The following SOCS7 variants were observed in gnomAD, a reference collection of about 807,000 sequenced individuals.
The protein encoded by SOCS7 is suppressor of cytokine signaling 7, also known as NAP-4.
A neutral mutation model predicts 58.9 loss-of-function variants in SOCS7; 18 were observed. The observed-to-expected ratio is 0.31, with a 90% CI of 0.21 to 0.45. The LOEUF (loss-of-function observed/expected upper bound fraction) is 0.45, where lower values mean the gene tolerates loss of function less well. SOCS7 is among the 20% of genes least tolerant of loss of function. The pLI, the probability that SOCS7 is intolerant of heterozygous loss-of-function variation, is 1.00. For missense variants in SOCS7, 667 were observed against 837.3 expected, an observed-to-expected ratio of 0.80 and a Z score of 2.51; for synonymous variants, 388 against 364.3, an observed-to-expected ratio of 1.06 and a Z score of -0.74.
At position 38,403,812 on chromosome 17, in the gene SOCS7, T is replaced by C. The variant is rs945264001; in HGVS notation, c.*4330T>C. Reference sequence around the variant, plus strand: ...GTTTGGTTTGTGGGAAAGGAGGGAATGGATAAGTGATTTTTATCTCTAATC... The same window carrying C: ...GTTTGGTTTGTGGGAAAGGAGGGAACGGATAAGTGATTTTTATCTCTAATC... On this transcript the variant is annotated 3_prime_UTR_variant, in exon 10 of 10. Transcript: ENST00000612932. 1 of 152,158 alleles carries C rather than the reference T, an allele frequency of 6.6e-6. No homozygotes were observed. Among genetic ancestry groups the C allele is most frequent in the Non-Finnish European group, 1.5e-5 (1 of 68,020 alleles). 9.4% of individuals were successfully genotyped at this position (152,158 alleles called of 1,614,324 possible). A position where few individuals can be genotyped will look rare whatever the true frequency, so the allele number is the denominator to read the frequency against.
intron 6 of SOCS7, among the ~76,000 whole-genome samples, chr17:38,373,114 AAAAAG>A (rs370434743): frequency 0.014 from 2,097 of 152,098 alleles, 48 homozygotes; most frequent in African/African-American, 0.047. Context: ...CTCAAAAAAA[AAAAAG>A]AAAAGAAAAG....
At chr17:38,387,102 AATATATATAT>A (rs71368482) in intron 7 of SOCS7, among the ~76,000 whole-genome samples, 2 of 51,138 alleles carry the variant, frequency 3.9e-5, no homozygotes, top group African/African-American at 1.3e-4. Context: ...AAAAAAAAAA[AATATATATAT>A]ATATATATAT....
chr17:38,390,907 G>A (rs1292973222), intron 7 of SOCS7, among the ~76,000 whole-genome samples: 1 of 151,892 alleles, frequency 6.6e-6, no homozygotes, highest in Non-Finnish European at 1.5e-5. Flanking sequence ...CATTGCCCAG[G>A]CTGGTTTCTA....
rs1376793315 is a variant in SOCS7 at position 38,403,992 on chromosome 17, AGAAAG to A, written c.*4511_*4515del. The A allele has an allele frequency of 6.6e-6, 1 of 151,604 alleles. No individual in the cohort carries two copies. Among genetic ancestry groups the A allele is most frequent in the East Asian group, 1.9e-4 (1 of 5,192 alleles). 9.4% of individuals were successfully genotyped at this position (151,604 alleles called of 1,614,324 possible). On this transcript the variant is annotated 3_prime_UTR_variant, in exon 10 of 10. Transcript: ENST00000612932. ...TTAAAAAAAGAAAAAGAAAAAAAAAAGAAAGAAAAGTGTGCCCCCCTCCTATGCTG... is the reference window on the plus strand; with the variant it reads ...TTAAAAAAAGAAAAAGAAAAAAAAAAAAAAGTGTGCCCCCCTCCTATGCTG...
intron 7 of SOCS7, among the ~76,000 whole-genome samples, chr17:38,388,603 A>G (rs1249535877): frequency 2.0e-5 from 3 of 152,168 alleles, no homozygotes; most frequent in Non-Finnish European, 4.4e-5. Context: ...CAATTTTAGA[A>G]TGTTTTCATC....
chr17:38,377,320 T>C (rs1218395184), intron 6 of SOCS7, among the ~76,000 whole-genome samples: 1 of 152,212 alleles, frequency 6.6e-6, no homozygotes, highest in Non-Finnish European at 1.5e-5. Flanking sequence ...CACACTGACA[T>C]GATGCTCAAA....
chr17:38,389,923 AGAGAGT>A (rs2038148036), intron 7 of SOCS7, among the ~76,000 whole-genome samples: 1 of 128,096 alleles, frequency 7.8e-6, no homozygotes, highest in African/African-American at 2.8e-5. Context: ...AGAGAGAGAG[AGAGAGT>A]GAGAGAGAGA....
At chr17:38,371,088 G>C (rs1157801923) in intron 6 of SOCS7, among the ~76,000 whole-genome samples, 2 of 152,050 alleles carry the variant, frequency 1.3e-5, no homozygotes, top group African/African-American at 4.8e-5. Flanking sequence ...TGACTGATTA[G>C]TATCCCTTTT....
At position 38,380,191 on chromosome 17, in the gene SOCS7, G is replaced by A. The variant is rs1289382843; in HGVS notation, c.1681+2349G>A. ...GCAGATATTTTAACCAAGATTCTTA[G>A]CATTGTATTAAGGGCTAGAGTGTGT... On this transcript the variant is annotated intron_variant, in intron 7 of 9. Coordinates refer to ENST00000612932, the MANE Select transcript of SOCS7 (RefSeq NM_014598.4). Among the ~76,000 whole-genome samples, 6 of 152,280 alleles carry A rather than the reference G, an allele frequency of 3.9e-5. No homozygotes were observed. In the South Asian group the frequency reaches 1.0e-3, roughly 26 times the overall value.
chr17:38,388,234 C>T (rs986171385), intron 7 of SOCS7, among the ~76,000 whole-genome samples: 2 of 151,898 alleles, frequency 1.3e-5, no homozygotes, highest in Non-Finnish European at 2.9e-5. Context: ...ATATAATTCA[C>T]ATAACATGAA....
At chr17:38,372,600 A>G (rs1376727495) in intron 6 of SOCS7, among the ~76,000 whole-genome samples, 2 of 152,196 alleles carry the variant, frequency 1.3e-5, no homozygotes, top group Non-Finnish European at 2.9e-5. Flanking sequence ...TGGTTCTTGT[A>G]TAGTTTTCAT....
At chr17:38,387,094 A>AT (rs2038077928) in intron 7 of SOCS7, among the ~76,000 whole-genome samples, 28 of 92,416 alleles carry the variant, frequency 3.0e-4, no homozygotes, top group African/African-American at 1.1e-3. Context: ...AAAAAAAAAA[A>AT]AAAAAAAAAT....
intron 5 of SOCS7, among the ~76,000 whole-genome samples, chr17:38,367,625 C>G (rs1316624104): frequency 6.6e-6 from 1 of 152,186 alleles, no homozygotes; most frequent in Non-Finnish European, 1.5e-5. Flanking sequence ...CCACCCGCCT[C>G]AGCCTCCCAA....
chr17:38,375,337 C>T (rs1441525281), intron 6 of SOCS7, among the ~76,000 whole-genome samples: 2 of 152,158 alleles, frequency 1.3e-5, no homozygotes, highest in Non-Finnish European at 2.9e-5. Flanking sequence ...CCCTCTTCCT[C>T]TTCCTCTTCC....
intron 1 of SOCS7, among the ~76,000 whole-genome samples, 187 bp downstream of exon 1, chr17:38,353,219 AAG>A (rs1158102002): frequency 6.6e-6 from 1 of 152,174 alleles, no homozygotes; most frequent in Admixed American, 6.5e-5. Context: ...TTCACTCTTA[AAG>A]AGTGCACACT....
chr17:38,352,767 C>G lies in SOCS7; in HGVS notation c.715C>G (p.Leu239Val), dbSNP rs56279143. The G allele has an allele frequency of 6.5e-7, 1 of 1,550,110 alleles. No homozygotes were observed. Among genetic ancestry groups the G allele is most frequent in the South Asian group, 1.2e-5 (1 of 84,058 alleles). Residue 239 changes from leucine (L) to valine (V), a missense_variant, in exon 1 of 10, where the codon CTG becomes GTG. Leu to Val is a conservative substitution (Grantham distance 32). This residue lies in a region of SOCS7 where 208 missense variants were observed against 190.3 expected (regional missense o/e 1.09). Coordinates refer to ENST00000612932, the MANE Select transcript of SOCS7 (RefSeq NM_014598.4). The surrounding 1 kb of genome is among the most constrained non-coding windows in gnomAD (Gnocchi z 5.5). The stretch of plus-strand genomic sequence containing the variant: ...GCAGGACTTGGTCCCTCTGGGGCGC[C>G]TGAGTAGAGGGGAGCAGCAGCAGCA... ...PLQDLVPLGR[L>V]SRGEQQQQQQ...
At chr17:38,378,547 T>G (rs2037960579) in intron 7 of SOCS7, among the ~76,000 whole-genome samples, 1 of 152,164 alleles carries the variant, frequency 6.6e-6, no homozygotes, top group Non-Finnish European at 1.5e-5. Flanking sequence ...CCAAATCCAG[T>G]TGCACATTGC....
In SOCS7 at chr17:38,384,572, G is replaced by T. The variant is rs188866448; in HGVS notation, c.1681+6730G>T. ...GCCTCCCAAAGTGTTGAGATTACAG[G>T]TGTGAACCACCATGCCCAGCTTCTT... On this transcript the variant is annotated intron_variant, in intron 7 of 9. Transcript: ENST00000612932. Among the ~76,000 whole-genome samples, 425 of 152,036 alleles carry T rather than the reference G, an allele frequency of 2.8e-3. 12 individuals are homozygous for T. Among genetic ancestry groups the T allele is most frequent in the Non-Finnish European group, 5.4e-4 (37 of 67,992 alleles).
chr17:38,401,669 TC>T lies in SOCS7; in HGVS notation c.*2188del, dbSNP rs1377391288. 1.3e-5 allele frequency: 2 copies of T among 152,110 alleles called. No homozygotes were observed. Among genetic ancestry groups the T allele is most frequent in the African/African-American group, 2.4e-5 (1 of 41,398 alleles). 9.4% of individuals were successfully genotyped at this position (152,110 alleles called of 1,614,324 possible). Reference sequence around the variant, plus strand: ...GATAAGATCAGGGTAGACCAGATGGTCTGGGAAAGTTCTGTGCCTCTGAGGC... The same window carrying T: ...GATAAGATCAGGGTAGACCAGATGGTTGGGAAAGTTCTGTGCCTCTGAGGC... On this transcript the variant is annotated 3_prime_UTR_variant, in exon 10 of 10. Coordinates refer to ENST00000612932, the MANE Select transcript of SOCS7 (RefSeq NM_014598.4).
Sources: gnomAD v4.1 joint callset for allele counts (sites outside exome capture counted in the v4.1 genomes callset) on GRCh38, gnomAD v4.1.1 for gene constraint, gnomAD v4.1.1 regional missense constraint, Gnocchi (gnomAD v3.1) non-coding constraint, MANE v1.5 for transcripts, NCBI Gene and HGNC (gene_info 2026-07-23, HGNC 2026-07-21) for gene names.